The following ADAMTS17 variants were observed in gnomAD, a reference collection of about 807,000 sequenced individuals.
ADAMTS17 encodes ADAM metallopeptidase with thrombospondin type 1 motif 17, also known as A disintegrin and metalloproteinase with thrombospondin motifs 17.
Under a neutral mutation model 141.5 loss-of-function variants are expected in ADAMTS17, and 113 were observed. That is an observed-to-expected ratio of 0.80 (90% confidence interval 0.69 to 0.93). The LOEUF (loss-of-function observed/expected upper bound fraction) is 0.93, where lower values mean the gene tolerates loss of function less well. Among genes scored for constraint, ADAMTS17 ranks in the 40% least tolerant of loss-of-function variants. The probability of loss-of-function intolerance (pLI) is 0.00; values close to 1 mark genes in which losing one functional copy is unlikely to be tolerated. For synonymous variants in ADAMTS17, 768 were observed against 630.6 expected (o/e 1.22, Z -3.27); for missense variants, 1,659 against 1,517.9 (o/e 1.09, Z -1.54).
intron 18 of ADAMTS17, among the ~76,000 whole-genome samples, chr15:100,041,110 A>C (rs2031212583): frequency 6.6e-6 from 1 of 152,226 alleles, no homozygotes; most frequent in Non-Finnish European, 1.5e-5. Flanking sequence ...ATATGCTTTA[A>C]TAAAAAGGGA....
chr15:100,261,786 G>A (rs893088920), intron 5 of ADAMTS17, 150 bp from the exon 6 acceptor site: 1 of 846,808 alleles, frequency 1.2e-6, no homozygotes, highest in Non-Finnish European at 1.9e-6. Flanking sequence ...CCTGATGCTA[G>A]TGGGTACGTG....
chr15:100,167,198 C>T (rs1190408154), intron 8 of ADAMTS17, among the ~76,000 whole-genome samples: 1 of 152,138 alleles, frequency 6.6e-6, no homozygotes, highest in Non-Finnish European at 1.5e-5. Flanking sequence ...GAGGTGGGAG[C>T]CCTGGATATC....
intron 18 of ADAMTS17, among the ~76,000 whole-genome samples, chr15:100,029,143 C>T (rs2029885715): frequency 6.6e-6 from 1 of 152,154 alleles, no homozygotes; most frequent in Admixed American, 6.5e-5. Flanking sequence ...GTATGTCTCC[C>T]ATCTTATGTC....
intron 4 of ADAMTS17, among the ~76,000 whole-genome samples, chr15:100,262,979 C>T (rs1324951879): frequency 6.6e-6 from 1 of 151,854 alleles, no homozygotes; most frequent in African/African-American, 2.4e-5. Context: ...ATAAGAGAAA[C>T]CTCTAGAATC....
At position 99,997,624 on chromosome 15, in the gene ADAMTS17, G is replaced by C. The variant is rs775650700; in HGVS notation, c.2592-35C>G. 6.2e-7 allele frequency: 1 copy of C among 1,611,242 alleles called. No homozygotes were observed. The highest frequency in any genetic ancestry group is 8.5e-7 in the Non-Finnish European group (1 of 1,179,508). ...GGGAGGAAAGAGAGAGAGAACGACTGGGTGAGAGGCCAGCCTCTCCGGAGG... is the reference window on the plus strand; with the variant it reads ...GGGAGGAAAGAGAGAGAGAACGACTCGGTGAGAGGCCAGCCTCTCCGGAGG... On this transcript the variant is annotated intron_variant, in intron 18 of 21. Coordinates refer to ENST00000268070, the MANE Select transcript of ADAMTS17 (RefSeq NM_139057.4). The surrounding 1 kb of genome is among the most constrained non-coding windows in gnomAD (Gnocchi z 4.7).
chr15:100,054,914 T>A (rs1272320436), intron 15 of ADAMTS17, among the ~76,000 whole-genome samples: 2 of 152,214 alleles, frequency 1.3e-5, no homozygotes, highest in Non-Finnish European at 2.9e-5. Flanking sequence ...ATTTTTCTTG[T>A]GTCTTCCCAC....
At chr15:100,163,792 T>C (rs1387059909) in intron 8 of ADAMTS17, among the ~76,000 whole-genome samples, 3 of 152,184 alleles carry the variant, frequency 2.0e-5, no homozygotes, top group African/African-American at 7.2e-5. Context: ...TTTGGACCAT[T>C]CTATTTTCAC....
Position 100,105,626 on chromosome 15 carries a change from G to T in ADAMTS17, c.2016+3363C>A, listed in dbSNP as rs556154258. Among the ~76,000 whole-genome samples the T allele has an allele frequency of 2.6e-5, 4 of 152,262 alleles. No homozygotes were observed. The South Asian group carries it at 6.2e-4, about 24-fold the overall frequency. ...TCTGGGAGGTGATTAGGTCAAGAGG[G>T]GGTAGAGCTCATGAATGTGCTGGTG... On this transcript the variant is annotated intron_variant, in intron 14 of 21. Transcript: ENST00000268070.
chr15:100,132,510 T>C (rs8035480), intron 11 of ADAMTS17, among the ~76,000 whole-genome samples: 58,428 of 152,134 alleles, frequency 0.38, 11,665 homozygotes, highest in Admixed American at 0.46. Flanking sequence ...CATGCCCCGG[T>C]TGAGGTTGTG....
At chr15:100,233,148 G>A (rs934189476) in intron 7 of ADAMTS17, among the ~76,000 whole-genome samples, 1 of 152,120 alleles carries the variant, frequency 6.6e-6, no homozygotes. Flanking sequence ...GTCCAACATG[G>A]TGAAATCCCG....
intron 13 of ADAMTS17, among the ~76,000 whole-genome samples, chr15:100,110,117 A>AT (rs2036661279): frequency 2.1e-5 from 3 of 145,258 alleles, no homozygotes; most frequent in African/African-American, 5.5e-5. Flanking sequence ...TTAAGCTTTC[A>AT]TTTTTTTGTC....
rs73474433 is a variant in ADAMTS17 at position 100,061,666 on chromosome 15, C to T, written c.2138-7612G>A. ...GTGGAGATTAGGAAGACACTCCTAT[C>T]GCCAGACACTCAGGGCTGAGCCAGG... On this transcript the variant is annotated intron_variant, in intron 15 of 21. Transcript: ENST00000268070. Among the ~76,000 whole-genome samples, 748 of 152,322 alleles carry T rather than the reference C, an allele frequency of 4.9e-3. 10 individuals are homozygous for T. Among genetic ancestry groups the T allele is most frequent in the African/African-American group, 0.017 (707 of 41,566 alleles).
intron 10 of ADAMTS17, among the ~76,000 whole-genome samples, chr15:100,151,686 G>A (rs1363958750): frequency 6.6e-6 from 1 of 152,154 alleles, no homozygotes; most frequent in Non-Finnish European, 1.5e-5. Flanking sequence ...ACAGGATGGT[G>A]CAGGTTCTGC....
In ADAMTS17 at chr15:100,109,063, C is replaced by T. The variant is rs2036581815; in HGVS notation, c.1942G>A (p.Val648Met). Residue 648 changes from valine to methionine, a missense_variant, in exon 14 of 22, where the codon GTG (valine) becomes ATG (methionine). Val to Met is a conservative substitution (Grantham distance 21). Coordinates refer to ENST00000268070, the MANE Select transcript of ADAMTS17 (RefSeq NM_139057.4). ...GTACCGTCCAGGACCCTGTCGGCCA[C>T]CAGCAGTGGGGACTCCTTCCCGAGG... is the stretch of plus-strand genomic sequence containing the variant. ...SPLGKESPLL[V>M]ADRVLDGTPC... 6.2e-7 allele frequency: 1 copy of T among 1,613,892 alleles called. No homozygotes were observed. Among genetic ancestry groups the T allele is most frequent in the African/African-American group, 1.3e-5 (1 of 74,906 alleles).
intron 3 of ADAMTS17, among the ~76,000 whole-genome samples, chr15:100,294,849 G>A (rs1468773396): frequency 2.0e-5 from 3 of 152,280 alleles, no homozygotes; most frequent in Non-Finnish European, 4.4e-5. Context: ...ACCGTGAAAC[G>A]TTAGCGACAT....
At chr15:100,260,233 A>C (rs1335786493) in intron 6 of ADAMTS17, among the ~76,000 whole-genome samples, 1 of 152,194 alleles carries the variant, frequency 6.6e-6, no homozygotes, top group African/African-American at 2.4e-5. Context: ...CTGAGACGTC[A>C]TGGGGCTCAG....
chr15:100,205,895 T>C (rs1048652299), intron 7 of ADAMTS17, among the ~76,000 whole-genome samples: 2 of 152,144 alleles, frequency 1.3e-5, no homozygotes, highest in African/African-American at 4.8e-5. Flanking sequence ...GAAAGACAGC[T>C]GTGCCAGGGA....
chr15:100,005,305 T>A (rs1381407591), intron 18 of ADAMTS17, among the ~76,000 whole-genome samples: 1 of 152,190 alleles, frequency 6.6e-6, no homozygotes, highest in African/African-American at 2.4e-5. Context: ...AGATTTATTA[T>A]CTTACAGTTC....
chr15:100,248,419 G>A (rs2043052026), intron 7 of ADAMTS17, among the ~76,000 whole-genome samples: 2 of 152,276 alleles, frequency 1.3e-5, no homozygotes, highest in South Asian at 2.1e-4. Context: ...CCAGAGAGAG[G>A]CCCAGAGGGT....
Sources: allele counts gnomAD v4.1 joint callset (sites outside exome capture counted in the v4.1 genomes callset), GRCh38; gene constraint gnomAD v4.1.1; non-coding constraint Gnocchi (gnomAD v3.1); transcripts MANE v1.5; gene names NCBI Gene and HGNC (gene_info 2026-07-23, HGNC 2026-07-21).